MAGI3: variants seen among roughly 807,000 people sequenced by gnomAD.
The protein encoded by MAGI3 is membrane-associated guanylate kinase, WW and PDZ domain-containing protein 3.
In MAGI3, 43 loss-of-function variants were observed where a neutral mutation model predicts 121.8. That is an observed-to-expected ratio of 0.35 (90% CI 0.28 to 0.46). The LOEUF is 0.46. Ranked by LOEUF, MAGI3 falls within the 20% of genes least tolerant of loss-of-function variation. MAGI3 has a pLI of 1.00. For missense variants in MAGI3, 1,547 were observed against 1,797.3 expected (o/e 0.86, Z 2.52); for synonymous variants, 553 against 639.3 (o/e 0.86, Z 2.04).
At chr1:113,644,112 C>A (rs544927952) in intron 11 of MAGI3, among the ~76,000 whole-genome samples, 2 of 151,984 alleles carry the variant, frequency 1.3e-5, no homozygotes, top group South Asian at 4.2e-4. Context: ...GTAGGAAGGA[C>A]CTAAATGTTA....
chr1:113,541,052 A>C (rs1304575444), intron 1 of MAGI3, among the ~76,000 whole-genome samples: 1 of 151,728 alleles, frequency 6.6e-6, no homozygotes, highest in Non-Finnish European at 1.5e-5. Context: ...TCTTCTGATT[A>C]TAAATGCATT....
At chr1:113,505,364 T>G (rs1450047053) in intron 1 of MAGI3, among the ~76,000 whole-genome samples, 2 of 152,096 alleles carry the variant, frequency 1.3e-5, no homozygotes, top group Non-Finnish European at 2.9e-5. Flanking sequence ...TGTAATATTT[T>G]CTGTTTTAAC....
chr1:113,487,484 A>G (rs1427039269), intron 1 of MAGI3, among the ~76,000 whole-genome samples: 19 of 152,188 alleles, frequency 1.2e-4, no homozygotes, highest in Admixed American at 1.2e-3. Flanking sequence ...CTTGAGCAGT[A>G]GGATAAAAAT....
At chr1:113,644,933 A>C (rs1459414844) in intron 11 of MAGI3, among the ~76,000 whole-genome samples, 1 of 152,194 alleles carries the variant, frequency 6.6e-6, no homozygotes, top group Non-Finnish European at 1.5e-5. Context: ...CAATTATATT[A>C]AATGAATTAG....
intron 1 of MAGI3, among the ~76,000 whole-genome samples, chr1:113,512,282 G>A (rs923823672): frequency 6.6e-6 from 1 of 152,122 alleles, no homozygotes; most frequent in Non-Finnish European, 1.5e-5. Context: ...CTATTATAAT[G>A]TTTAGACCTC....
chr1:113,634,128 G>A (rs1042629108), intron 9 of MAGI3, among the ~76,000 whole-genome samples: 67 of 152,206 alleles, frequency 4.4e-4, no homozygotes, highest in Non-Finnish European at 7.5e-4. Flanking sequence ...TGTAGATTCT[G>A]GATATTAGCC....
intron 9 of MAGI3, among the ~76,000 whole-genome samples, chr1:113,629,872 C>A (rs1651511941): frequency 1.3e-5 from 2 of 150,236 alleles, no homozygotes; most frequent in African/African-American, 4.9e-5. Context: ...GTGGCCACCA[C>A]CACTGGGACT....
chr1:113,532,002 T>C (rs970390882), intron 1 of MAGI3, among the ~76,000 whole-genome samples: 4 of 152,228 alleles, frequency 2.6e-5, no homozygotes, highest in African/African-American at 9.6e-5. Flanking sequence ...ATCACTGCTA[T>C]AAAGTGAGAA....
chr1:113,480,042 A>G (rs1229136636), intron 1 of MAGI3, among the ~76,000 whole-genome samples: 5 of 151,566 alleles, frequency 3.3e-5, no homozygotes, highest in African/African-American at 4.9e-5. Flanking sequence ...CTTGTAGCTC[A>G]CTGAGCTTCA....
intron 2 of MAGI3, among the ~76,000 whole-genome samples, chr1:113,564,558 T>C (rs1189759688): frequency 6.6e-6 from 1 of 152,068 alleles, no homozygotes; most frequent in Non-Finnish European, 1.5e-5. Flanking sequence ...GATACAGATG[T>C]CTGATAATAG....
At chr1:113,416,376 T>C (rs1432281483) in intron 1 of MAGI3, among the ~76,000 whole-genome samples, 6 of 116,758 alleles carry the variant, frequency 5.1e-5, no homozygotes, top group African/African-American at 9.7e-5. Flanking sequence ...TATATTAATA[T>C]ATTAATAATA....
chr1:113,590,939 A>G (rs1338491080), intron 5 of MAGI3, among the ~76,000 whole-genome samples: 1 of 152,122 alleles, frequency 6.6e-6, no homozygotes, highest in Non-Finnish European at 1.5e-5. Context: ...TGTAAAGAAT[A>G]AAGGGTATTT....
intron 1 of MAGI3, among the ~76,000 whole-genome samples, chr1:113,417,034 T>C (rs1192654566): frequency 6.6e-6 from 1 of 152,072 alleles, no homozygotes; most frequent in Non-Finnish European, 1.5e-5. Flanking sequence ...TTTAAAAAAC[T>C]TTTATTTTAA....
chr1:113,630,866 C>G (rs1651583848), intron 9 of MAGI3, among the ~76,000 whole-genome samples: 2 of 152,170 alleles, frequency 1.3e-5, no homozygotes, highest in Non-Finnish European at 2.9e-5. Context: ...AGTCAGGTGT[C>G]TCTGATCCCA....
chr1:113,549,770 A>G (rs911207458), intron 2 of MAGI3, 139 bp downstream of exon 2: 6 of 502,252 alleles, frequency 1.2e-5, no homozygotes, highest in Non-Finnish European at 1.0e-5. Flanking sequence ...CAAAAATTGG[A>G]TAAGAAGAAA....
chr1:113,560,188 C>T (rs111404491), intron 2 of MAGI3, among the ~76,000 whole-genome samples: 9,894 of 152,052 alleles, frequency 0.065, 362 homozygotes, highest in Non-Finnish European at 0.075. Context: ...GACCACAGTG[C>T]AATCAAATTA....
chr1:113,597,651 T>C (rs1649103680), intron 6 of MAGI3, among the ~76,000 whole-genome samples: 1 of 152,158 alleles, frequency 6.6e-6, no homozygotes, highest in Non-Finnish European at 1.5e-5. Context: ...AGGACTAAAG[T>C]ACACTGACGC....
intron 1 of MAGI3, among the ~76,000 whole-genome samples, chr1:113,416,113 A>G (rs570000102): frequency 2.1e-4 from 29 of 136,406 alleles, no homozygotes; most frequent in African/African-American, 8.3e-4. Flanking sequence ...GACACATATT[A>G]ATTATGTAAT....
At chr1:113,533,952 C>T (rs1658847667) in intron 1 of MAGI3, among the ~76,000 whole-genome samples, 1 of 152,026 alleles carries the variant, frequency 6.6e-6, no homozygotes, top group African/African-American at 2.4e-5. Flanking sequence ...AACTGTGCTT[C>T]TTGTTTATTA....
Sources: allele counts gnomAD v4.1 joint callset (sites outside exome capture counted in the v4.1 genomes callset), GRCh38; gene constraint gnomAD v4.1.1; transcripts MANE v1.5; gene names NCBI Gene and HGNC (gene_info 2026-07-23, HGNC 2026-07-21).